The following ACACA variants were observed in gnomAD, a reference collection of about 807,000 sequenced individuals.
ACACA encodes acetyl-CoA carboxylase 1.
ACACA carries 103 observed loss-of-function variants against 296.1 expected under a neutral mutation model. That is an observed-to-expected ratio of 0.35 (90% CI 0.30 to 0.41). ACACA has a LOEUF of 0.41. Ranked by LOEUF, ACACA falls within the 10% of genes least tolerant of loss-of-function variation. The pLI, the probability that ACACA is intolerant of heterozygous loss-of-function variation, is 1.00. For synonymous variants in ACACA, 953 were observed against 1,038.6 expected (o/e 0.92, Z 1.58); for missense variants, 1,554 against 2,989.7 (o/e 0.52, Z 11.20).
intron 52 of ACACA, among the ~76,000 whole-genome samples, chr17:37,098,671 A>G (rs2073138594): frequency 6.6e-6 from 1 of 152,216 alleles, no homozygotes; most frequent in South Asian, 2.1e-4. Context: ...CTACTGCCAG[A>G]GCCAGTCCCT....
chr17:37,120,894 A>G (rs2074496240), intron 50 of ACACA, among the ~76,000 whole-genome samples: 1 of 152,212 alleles, frequency 6.6e-6, no homozygotes, highest in Admixed American at 6.5e-5. Context: ...TTAGATAATA[A>G]TATAACATAG....
intron 3 of ACACA, chr17:37,328,602 C>T (rs1044947891): frequency 5.0e-5 from 14 of 277,258 alleles, no homozygotes; most frequent in Non-Finnish European, 6.7e-5. Context: ...TCAGAAGCCC[C>T]GATCCCAAGC....
chr17:37,340,022 A>G (rs761322592), intron 1 of ACACA, among the ~76,000 whole-genome samples, 172 bp from the exon 2 acceptor site: 3 of 152,224 alleles, frequency 2.0e-5, no homozygotes, highest in African/African-American at 2.4e-5. Context: ...TATTTGTTCA[A>G]TTCTGTAAAT....
intron 27 of ACACA, among the ~76,000 whole-genome samples, chr17:37,224,028 C>G (rs1283551083): frequency 1.3e-5 from 2 of 152,150 alleles, no homozygotes; most frequent in Non-Finnish European, 2.9e-5. Context: ...ATGGCGAAAC[C>G]CTGTCTCTGT....
intron 3 of ACACA, among the ~76,000 whole-genome samples, chr17:37,307,296 G>A (rs1032769675): frequency 6.6e-6 from 1 of 152,170 alleles, no homozygotes; most frequent in African/African-American, 2.4e-5. Context: ...AAATGATACT[G>A]CTAAATAGTT....
chr17:37,265,452 G>T (rs1206721005), intron 10 of ACACA, among the ~76,000 whole-genome samples: 1 of 152,152 alleles, frequency 6.6e-6, no homozygotes, highest in Non-Finnish European at 1.5e-5. Context: ...ATGTCCAGAA[G>T]AAAATGAGGT....
At chr17:37,210,191 G>A (rs1043259524) in intron 30 of ACACA, among the ~76,000 whole-genome samples, 10 of 152,144 alleles carry the variant, frequency 6.6e-5, no homozygotes, top group African/African-American at 1.9e-4. Flanking sequence ...TAGCAAGGCC[G>A]GACATAAGGC....
At chr17:37,243,593 G>C (rs1448077134) in intron 21 of ACACA, 34 bp from the exon 22 acceptor site, 1 of 1,598,720 alleles carries the variant, frequency 6.3e-7, no homozygotes, top group Non-Finnish European at 8.6e-7. Flanking sequence ...TAGGACCCAA[G>C]TTAACACAAT....
At chr17:37,359,232 G>C (rs1307010780) in intron 1 of ACACA, 2 of 791,308 alleles carry the variant, frequency 2.5e-6, no homozygotes, top group African/African-American at 3.7e-5. Flanking sequence ...GGTTACTCCA[G>C]GCCGTTCACC....
At chr17:37,179,488 G>GGTTTTGCC in intron 40 of ACACA, 82 bp from the exon 41 acceptor site, 2 of 1,511,306 alleles carry the variant, frequency 1.3e-6, no homozygotes, top group Non-Finnish European at 1.8e-6. Context: ...CAGTCAATCT[G>GGTTTTGCC]GTTTTGCCTT....
At chr17:37,201,489 G>A (rs893347760) in intron 33 of ACACA, among the ~76,000 whole-genome samples, 2 of 150,938 alleles carry the variant, frequency 1.3e-5, no homozygotes, top group Admixed American at 6.6e-5. Context: ...ACTTATACGA[G>A]TCTTGGGCAT....
rs1172232844 is a variant in ACACA at position 37,260,249 on chromosome 17, CATATATATATATAT to C, written c.1330-733_1330-720del. On this transcript the variant is annotated intron_variant, in intron 11 of 55. Coordinates refer to ENST00000616317, the MANE Select transcript of ACACA (RefSeq NM_198834.3). Reference sequence around the variant, plus strand: ...TAAGTGATATGCATAACTCCCAAGTCATATATATATATATATATATATATATATATATATATATA... The same window carrying C: ...TAAGTGATATGCATAACTCCCAAGTCATATATATATATATATATATATATA... 1.2e-3 allele frequency among the ~76,000 whole-genome samples: 38 copies of C among 30,510 alleles called. 1 individual carries two copies. Among genetic ancestry groups the C allele is most frequent in the Admixed American group, 1.9e-3 (3 of 1,570 alleles). The allele number at this position is 30,510 out of a possible 152,430, so 20.0% of individuals were successfully genotyped here. A position where few individuals can be genotyped will look rare whatever the true frequency, so the allele number is the denominator to read the frequency against.
intron 1 of ACACA, among the ~76,000 whole-genome samples, chr17:37,347,083 G>A (rs954672869): frequency 5.3e-5 from 8 of 152,166 alleles, no homozygotes; most frequent in African/African-American, 1.2e-4. Flanking sequence ...TAATTTCCAC[G>A]TGTTGTGGGA....
At chr17:37,366,497 CTCACTCTG>C (rs1302090571) in intron 1 of ACACA, among the ~76,000 whole-genome samples, 1 of 144,026 alleles carries the variant, frequency 6.9e-6, no homozygotes, top group Non-Finnish European at 1.5e-5. Flanking sequence ...GAGACGGAGT[CTCACTCTG>C]TCACCCAGGC....
chr17:37,129,483 G>T lies in ACACA; in HGVS notation c.5826C>A (p.Ser1942Arg), dbSNP rs201284070. 3.1e-6 allele frequency: 5 copies of T among 1,613,900 alleles called. No individual in the cohort carries two copies. In the East Asian group the frequency reaches 1.1e-4, roughly 36 times the overall value. Residue 1942 changes from serine (S) to arginine (R), a missense_variant and splice_region_variant, in exon 47 of 56, where the codon AGC becomes AGA. Physicochemically the swap from Ser to Arg is moderately radical, Grantham distance 110. Around this residue, in one of 16 missense-constraint regions of ACACA, gnomAD observed 553 missense variants for 1,043.6 expected, o/e 0.53. Transcript: ENST00000616317. ...TCAGAAGAGGAACTGAACTGTGCACGCTCTAAAAGGAGATTGGAAGAGAGC... is the reference window on the plus strand; with the variant it reads ...TCAGAAGAGGAACTGAACTGTGCACTCTCTAAAAGGAGATTGGAAGAGAGC... ...VLHWLSYMPK[S>R]VHSSVPLLNS...
Position 37,085,746 on chromosome 17 carries a change from C to T in ACACA, c.*1570G>A. On this transcript the variant is annotated 3_prime_UTR_variant, in exon 56 of 56. Transcript: ENST00000616317. ...TTGAAAAGTCCAGCCAATCTATCCGCACAGATTCCTCCTGAAGAAGGGGAG... is the reference window on the plus strand; with the variant it reads ...TTGAAAAGTCCAGCCAATCTATCCGTACAGATTCCTCCTGAAGAAGGGGAG... The T allele has an allele frequency of 2.5e-6, 1 of 399,288 alleles. No individual in the cohort carries two copies. 24.7% of individuals were successfully genotyped at this position (399,288 alleles called of 1,614,324 possible).
intron 1 of ACACA, among the ~76,000 whole-genome samples, chr17:37,390,306 A>T (rs867452888): frequency 0.011 from 312 of 28,888 alleles, 3 homozygotes; most frequent in Middle Eastern, 0.031. Context: ...ATACATAATT[A>T]TATATATATA....
chr17:37,291,168 A>ACACACACACACACACC (rs1382538279), intron 3 of ACACA, among the ~76,000 whole-genome samples: 1 of 50,572 alleles, frequency 2.0e-5, no homozygotes, highest in African/African-American at 1.0e-4. Flanking sequence ...ACACACACAC[A>ACACACACACACACACC]TCTCATAATA....
At chr17:37,227,431 G>A (rs1426664662) in intron 25 of ACACA, among the ~76,000 whole-genome samples, 1 of 151,988 alleles carries the variant, frequency 6.6e-6, no homozygotes, top group Admixed American at 6.5e-5. Context: ...AATTGCCTTG[G>A]CTGGGCAGGG....
Sources: allele counts gnomAD v4.1 joint callset (sites outside exome capture counted in the v4.1 genomes callset), GRCh38; gene constraint gnomAD v4.1.1; regional missense constraint gnomAD v4.1.1; transcripts MANE v1.5; gene names NCBI Gene and HGNC (gene_info 2026-07-23, HGNC 2026-07-21).